Variants in NAPA observed in about 807,000 individuals in gnomAD.
NAPA encodes alpha-soluble NSF attachment protein.
NAPA carries 18 observed loss-of-function variants against 48.0 expected under a neutral mutation model. That is an observed-to-expected ratio of 0.38 (90% CI 0.26 to 0.56). The LOEUF (loss-of-function observed/expected upper bound fraction) is 0.56. Ranked by LOEUF, NAPA falls within the 20% of genes least tolerant of loss-of-function variation. The pLI is 0.77. For missense variants in NAPA, 315 were observed against 385.0 expected (o/e 0.82, Z 1.52); for synonymous variants, 152 against 149.9 (o/e 1.01, Z -0.10).
downstream of NAPA, among the ~76,000 whole-genome samples, chr19:47,487,008 G>A (rs539616819): frequency 1.3e-5 from 2 of 152,300 alleles, no homozygotes; most frequent in South Asian, 4.1e-4. Flanking sequence ...TGTAGCGAGG[G>A]GCCCTGCGCG....
At chr19:47,498,025 G>A (rs1968475128) in intron 3 of NAPA, among the ~76,000 whole-genome samples, 1 of 152,202 alleles carries the variant, frequency 6.6e-6, no homozygotes. Flanking sequence ...TAACACATAT[G>A]AGCATCACCC....
chr19:47,491,464 TA>T lies in NAPA; in HGVS notation c.666+550del, dbSNP rs201265290. 1.7e-3 allele frequency: 260 copies of T among 153,926 alleles called. 3 individuals are homozygous for T. Among genetic ancestry groups the T allele is most frequent in the Admixed American group, 0.017 (260 of 15,564 alleles). The allele number at this position is 153,926 out of a possible 1,614,324, so 9.5% of individuals were successfully genotyped here. On this transcript the variant is annotated intron_variant, in intron 8 of 10. Transcript: ENST00000263354. ...ACTCCGTGCTTCTGCCAGGCAATGG[TA>T]AAAAAACTCCGGCCAAGCAAAATCT...
chr19:47,490,453 TG>T (rs1200123449), intron 9 of NAPA, among the ~76,000 whole-genome samples: 7 of 87,458 alleles, frequency 8.0e-5, no homozygotes, highest in African/African-American at 1.4e-4. Context: ...GTGTGTGGTG[TG>T]GTGTGTGTAG....
rs1968128120 is a variant in NAPA at position 47,488,218 on chromosome 19, G to T, written c.*70C>A. ...GATGGGAAAGGAGGGAAGCTCTCCAGCAAGTCTCGGCCCCACCTCTCTCTG... is the reference window on the plus strand; with the variant it reads ...GATGGGAAAGGAGGGAAGCTCTCCATCAAGTCTCGGCCCCACCTCTCTCTG... On this transcript the variant is annotated 3_prime_UTR_variant, in exon 11 of 11. Coordinates refer to ENST00000263354, the MANE Select transcript of NAPA (RefSeq NM_003827.4). The T allele has an allele frequency of 7.0e-7, 1 of 1,419,206 alleles. No homozygotes were observed. The allele number at this position is 1,419,206 out of a possible 1,614,324, so 87.9% of individuals were successfully genotyped here.
At chr19:47,510,245 T>G (rs1968780458) in intron 1 of NAPA, among the ~76,000 whole-genome samples, 1 of 152,200 alleles carries the variant, frequency 6.6e-6, no homozygotes, top group East Asian at 1.9e-4. Context: ...GCCAAGGCCC[T>G]GGGCAGGCCC....
intron 3 of NAPA, among the ~76,000 whole-genome samples, chr19:47,499,387 A>G (rs1391793491): frequency 6.6e-6 from 1 of 152,216 alleles, no homozygotes; most frequent in Non-Finnish European, 1.5e-5. Context: ...GCAGAAGGAA[A>G]GGCTTGGCGG....
intron 3 of NAPA, among the ~76,000 whole-genome samples, chr19:47,499,708 G>T (rs1283313362): frequency 6.6e-6 from 1 of 152,238 alleles, no homozygotes; most frequent in Admixed American, 6.5e-5. Flanking sequence ...TAACACGTCA[G>T]ATCACGACAA....
At chr19:47,498,820 A>G (rs1194877278) in intron 3 of NAPA, among the ~76,000 whole-genome samples, 1 of 152,174 alleles carries the variant, frequency 6.6e-6, no homozygotes, top group East Asian at 1.9e-4. Flanking sequence ...GCGTATCTTT[A>G]GGCTGTAGCT....
At chr19:47,484,731 C>A (rs573495789), downstream of NAPA, among the ~76,000 whole-genome samples, 1 of 134,892 alleles carries the variant, frequency 7.4e-6, no homozygotes, top group Non-Finnish European at 1.5e-5. Flanking sequence ...TTTTTTGAGA[C>A]GGAGTCTTGC....
chr19:47,495,833 G>C lies in NAPA; in HGVS notation c.296-237C>G, dbSNP rs558283398. The C allele has an allele frequency of 5.5e-6, 3 of 546,594 alleles. No homozygotes were observed. In the South Asian group the frequency reaches 6.1e-5, roughly 11 times the overall value. The allele number at this position is 546,594 out of a possible 1,614,324, so 33.9% of individuals were successfully genotyped here. A position where few individuals can be genotyped will look rare whatever the true frequency, so the allele number is the denominator to read the frequency against. ...GCAGACTGTGACTTGCTGGGCACAT[G>C]CTTCTGGGGGAGCCCTTCTCTCCTC... On this transcript the variant is annotated intron_variant, in intron 3 of 10. Transcript: ENST00000263354.
chr19:47,492,817 G>T (rs1358778002), intron 7 of NAPA, 144 bp downstream of exon 7: 1 of 766,844 alleles, frequency 1.3e-6, no homozygotes, highest in East Asian at 2.6e-5. Flanking sequence ...CAGGGTGGGG[G>T]GATGACATGG....
chr19:47,490,500 G>C (rs1465176217), intron 9 of NAPA, among the ~76,000 whole-genome samples: 9 of 92,866 alleles, frequency 9.7e-5, no homozygotes, highest in Non-Finnish European at 2.0e-4. Context: ...TGTGATGTGT[G>C]TGGTGTGGTG....
chr19:47,487,150 C>A (rs1033105200), downstream of NAPA, among the ~76,000 whole-genome samples: 8 of 152,210 alleles, frequency 5.3e-5, no homozygotes, highest in African/African-American at 1.9e-4. Flanking sequence ...ACTCCCCAGA[C>A]CCACTCGGGC....
downstream of NAPA, chr19:47,487,549 C>T (rs1044777865): frequency 6.6e-6 from 1 of 152,332 alleles, no homozygotes; most frequent in African/African-American, 2.4e-5. Context: ...CAAGAGCTCG[C>T]CCAGAGTCTG....
downstream of NAPA, among the ~76,000 whole-genome samples, chr19:47,485,048 C>T (rs188884978): frequency 3.9e-5 from 6 of 152,232 alleles, no homozygotes; most frequent in East Asian, 1.2e-3. Context: ...TTAATACATT[C>T]TTCTTGCCCC....
At chr19:47,500,405 G>T (rs917036321) in intron 3 of NAPA, among the ~76,000 whole-genome samples, 1 of 152,192 alleles carries the variant, frequency 6.6e-6, no homozygotes, top group Non-Finnish European at 1.5e-5. Context: ...CGACACCACC[G>T]ACACGGTAGA....
chr19:47,500,585 G>A, intron 3 of NAPA, 48 bp downstream of exon 3: 1 of 1,500,270 alleles, frequency 6.7e-7, no homozygotes, highest in South Asian at 1.2e-5. Context: ...CAGGGTGCTA[G>A]GATGGCGCTC....
chr19:47,511,614 C>A (rs1968806051), intron 1 of NAPA, among the ~76,000 whole-genome samples: 1 of 152,208 alleles, frequency 6.6e-6, no homozygotes, highest in African/African-American at 2.4e-5. Flanking sequence ...CGTGGTAGCA[C>A]AGCAAAGGGG....
At chr19:47,490,165 GGT>G (rs1015984916) in intron 9 of NAPA, among the ~76,000 whole-genome samples, 20 of 148,250 alleles carry the variant, frequency 1.3e-4, no homozygotes, top group Admixed American at 4.7e-4. Flanking sequence ...GTGTGTGTGG[GGT>G]GTGTGTGGTG....
Sources: allele counts gnomAD v4.1 joint callset (sites outside exome capture counted in the v4.1 genomes callset), GRCh38; gene constraint gnomAD v4.1.1; transcripts MANE v1.5; gene names NCBI Gene and HGNC (gene_info 2026-07-23, HGNC 2026-07-21).